The following CFTR variants were observed in gnomAD, a reference collection of about 807,000 sequenced individuals.
The protein encoded by CFTR is cystic fibrosis transmembrane conductance regulator.
A neutral mutation model predicts 171.6 loss-of-function variants in CFTR; 181 were observed. That is an observed-to-expected ratio of 1.05 (90% CI 0.93 to 1.19). The LOEUF is 1.19. Among genes scored for constraint, CFTR ranks in the 50% most tolerant of loss-of-function variants. The pLI, the probability that CFTR is intolerant of heterozygous loss-of-function variation, is 0.00. For synonymous variants in CFTR, 583 were observed against 608.0 expected (o/e 0.96, Z 0.60); for missense variants, 1,968 against 1,734.7 (o/e 1.13, Z -2.39).
In CFTR at chr7:117,595,063, GAA is replaced by G; in HGVS notation, c.2619+6_2619+7del. The G allele has an allele frequency of 6.2e-7, 1 of 1,610,776 alleles. No homozygotes were observed. The highest frequency in any genetic ancestry group is 1.1e-5 in the South Asian group (1 of 90,976). On this transcript the variant is annotated splice_donor_region_variant and intron_variant, in intron 15 of 26. Transcript: ENST00000003084. ...TTAGTAATTTTTCTGGCAGAGGTAA[GAA>G]TGTTCTATTGTAAAGTATTACTGGA...
intron 15 of CFTR, 110 bp downstream of exon 15, chr7:117,595,168 T>G: frequency 1.2e-6 from 1 of 829,324 alleles, no homozygotes; most frequent in South Asian, 1.5e-5. Context: ...TACACATGTA[T>G]ACATGTATAA....
chr7:117,509,147 G>C lies in CFTR; in HGVS notation c.273+5G>C, dbSNP rs1486890338. 6.8e-7 allele frequency: 1 copy of C among 1,465,748 alleles called. No individual in the cohort carries two copies. Among genetic ancestry groups the C allele is most frequent in the African/African-American group, 1.4e-5 (1 of 72,030 alleles). The allele number at this position is 1,465,748 out of a possible 1,614,324, so 90.8% of individuals were successfully genotyped here. ...GGAATCTTTTTATATTTAGGGGTAA[G>C]GATCTCATTTGTACATTCATTATGT... On this transcript the variant is annotated splice_donor_5th_base_variant and intron_variant, in intron 3 of 26. Coordinates refer to ENST00000003084, the MANE Select transcript of CFTR (RefSeq NM_000492.4).
intron 26 of CFTR, 131 bp downstream of exon 26, chr7:117,665,695 C>T (rs1793364288): frequency 1.4e-6 from 1 of 701,640 alleles, no homozygotes; most frequent in Non-Finnish European, 2.6e-6. Context: ...TACAGCCATC[C>T]AGCTTTACTC....
intron 1 of CFTR, among the ~76,000 whole-genome samples, chr7:117,490,805 A>G (rs151164084): frequency 5.9e-5 from 9 of 152,200 alleles, no homozygotes; most frequent in Admixed American, 2.0e-4. Context: ...CTGAGAAAGT[A>G]CCTCTCTTCT....
intron 21 of CFTR, among the ~76,000 whole-genome samples, chr7:117,615,590 G>T (rs1451602422): frequency 1.3e-5 from 2 of 151,016 alleles, no homozygotes; most frequent in African/African-American, 4.9e-5. Context: ...CCACACATTT[G>T]TATACTTTAT....
chr7:117,578,846 T>A (rs548881111), intron 11 of CFTR, among the ~76,000 whole-genome samples: 9 of 152,234 alleles, frequency 5.9e-5, no homozygotes, highest in African/African-American at 2.2e-4. Flanking sequence ...AATGAAGATA[T>A]CTAAATTTCT....
intron 9 of CFTR, among the ~76,000 whole-genome samples, chr7:117,544,159 T>G (rs1355762794): frequency 1.3e-5 from 2 of 152,224 alleles, no homozygotes; most frequent in African/African-American, 4.8e-5. Context: ...CTCAATTCCC[T>G]TTTCCTTTTG....
At chr7:117,637,745 C>T (rs1222289374) in intron 22 of CFTR, among the ~76,000 whole-genome samples, 3 of 152,016 alleles carry the variant, frequency 2.0e-5, no homozygotes, top group East Asian at 1.9e-4. Context: ...GGTGTGGTGG[C>T]ACACACCTAT....
intron 1 of CFTR, among the ~76,000 whole-genome samples, chr7:117,493,819 C>T (rs549834834): frequency 5.9e-5 from 9 of 152,084 alleles, no homozygotes; most frequent in African/African-American, 2.2e-4. Flanking sequence ...GAACCCAATT[C>T]CATGTTTAGT....
At chr7:117,561,309 CT>C (rs34410639) in intron 11 of CFTR, among the ~76,000 whole-genome samples, 27,673 of 149,866 alleles carry the variant, frequency 0.18, 2,736 homozygotes, top group Non-Finnish European at 0.21. Flanking sequence ...GGAAGAACAT[CT>C]TTTTTTTTTC....
chr7:117,594,286 G>C (rs537690491), intron 14 of CFTR, among the ~76,000 whole-genome samples: 3 of 152,032 alleles, frequency 2.0e-5, no homozygotes, highest in African/African-American at 7.2e-5. Flanking sequence ...CATGAGTTTT[G>C]TTGATTTTGT....
intron 2 of CFTR, among the ~76,000 whole-genome samples, chr7:117,505,490 T>G (rs1798399573): frequency 1.3e-5 from 2 of 152,190 alleles, no homozygotes; most frequent in Admixed American, 1.3e-4. Flanking sequence ...GCTGGTTTTA[T>G]TTTCTCAGAC....
chr7:117,505,726 G>A (rs1297926895), intron 2 of CFTR, among the ~76,000 whole-genome samples: 1 of 151,962 alleles, frequency 6.6e-6, no homozygotes, highest in East Asian at 1.9e-4. Flanking sequence ...GAGTGAAGGG[G>A]GATAAAAAAT....
intron 3 of CFTR, among the ~76,000 whole-genome samples, chr7:117,523,336 A>G (rs1798712642): frequency 6.6e-6 from 1 of 152,018 alleles, no homozygotes; most frequent in Non-Finnish European, 1.5e-5. Flanking sequence ...CAGCCCAAGC[A>G]ACAAAGCAAG....
intron 18 of CFTR, among the ~76,000 whole-genome samples, chr7:117,608,872 A>C (rs1792340393): frequency 1.3e-5 from 2 of 151,794 alleles, no homozygotes; most frequent in Admixed American, 1.3e-4. Flanking sequence ...TGTTCACTCT[A>C]TTTTCTATTA....
In CFTR at chr7:117,592,224, CT is replaced by C. The variant is rs1562907979; in HGVS notation, c.2061del (p.Phe687LeufsTer35). On this transcript the variant is annotated frameshift_variant, in exon 14 of 27. Transcript: ENST00000003084. LOFTEE classifies it high-confidence loss of function. ...TCCTGGACAGAAACAAAAAAACAAT[CT>C]TTTAAACAGACTGGAGAGTTTGGGG... The part of the protein sequence containing the change: ...PVSWTETKKQ[S>X]FKQTGEFGEK... 3 of 1,613,770 alleles carry C rather than the reference CT, an allele frequency of 1.9e-6. No homozygotes were observed. Among genetic ancestry groups the C allele is most frequent in the South Asian group, 2.2e-5 (2 of 91,078 alleles).
At chr7:117,507,849 T>C (rs1321445018) in intron 2 of CFTR, among the ~76,000 whole-genome samples, 3 of 152,304 alleles carry the variant, frequency 2.0e-5, no homozygotes, top group Non-Finnish European at 4.4e-5. Flanking sequence ...TGGAGTGTAG[T>C]GGTGTGATCT....
intron 11 of CFTR, among the ~76,000 whole-genome samples, chr7:117,577,150 A>G (rs1780477580): frequency 1.3e-5 from 2 of 152,156 alleles, no homozygotes; most frequent in Admixed American, 1.3e-4. Context: ...CAAAGGGAAC[A>G]GGAAATGTGA....
At position 117,591,974 on chromosome 7, in the gene CFTR, G is replaced by A. The variant is rs143036685; in HGVS notation, c.1807G>A (p.Val603Ile). 6.9e-6 allele frequency: 11 copies of A among 1,596,198 alleles called. No individual in the cohort carries two copies. The African/African-American group carries it at 1.1e-4, about 16-fold the overall frequency. ...KLMANKTRILVTSKMEHLKKA... is the reference protein window; with the variant it reads ...KLMANKTRILITSKMEHLKKA... ...GATGGCTAACAAAACTAGGATTTTG[G>A]TCACTTCTAAAATGGAACATTTAAA... The change falls in exon 14 of 27, where the codon GTC becomes ATC. Residue 603 changes from valine (V) to isoleucine (I), a missense_variant. Val to Ile is a conservative substitution (Grantham distance 29). Coordinates refer to ENST00000003084, the MANE Select transcript of CFTR (RefSeq NM_000492.4).
Sources: allele counts gnomAD v4.1 joint callset (sites outside exome capture counted in the v4.1 genomes callset), GRCh38; gene constraint gnomAD v4.1.1; transcripts MANE v1.5; gene names NCBI Gene and HGNC (gene_info 2026-07-23, HGNC 2026-07-21).